MYCBP2: variants seen among roughly 807,000 people sequenced by gnomAD.
The protein encoded by MYCBP2 is MYC binding protein 2.
A neutral mutation model predicts 525.3 loss-of-function variants in MYCBP2; 120 were observed. That is an observed-to-expected ratio of 0.23 (90% CI 0.20 to 0.27). The LOEUF is 0.27. Ranked by LOEUF, MYCBP2 falls within the 10% of genes least tolerant of loss-of-function variation. The pLI, the probability that MYCBP2 is intolerant of heterozygous loss-of-function variation, is 1.00. For missense variants in MYCBP2, 4,149 were observed against 5,657.1 expected, an observed-to-expected ratio of 0.73 and a Z score of 8.55; for synonymous variants, 1,894 against 1,955.8, an observed-to-expected ratio of 0.97 and a Z score of 0.83.
chr13:77,316,450 GT>G (rs2080948939), intron 1 of MYCBP2, among the ~76,000 whole-genome samples: 1 of 152,224 alleles, frequency 6.6e-6, no homozygotes, highest in Non-Finnish European at 1.5e-5. Context: ...GCCAACCAAT[GT>G]TCCCAGCAGT....
intron 32 of MYCBP2, among the ~76,000 whole-genome samples, chr13:77,182,796 T>C (rs2060334313): frequency 6.6e-6 from 1 of 152,228 alleles, no homozygotes. Flanking sequence ...TCCAGTGCAC[T>C]GCTGAATATA....
At position 77,169,664 on chromosome 13, in the gene MYCBP2, G is replaced by A; in HGVS notation, c.5845C>T (p.Leu1949Phe). Residue 1949 changes from leucine (L) to phenylalanine (F), a missense_variant, in exon 39 of 83, where the codon CTC becomes TTC. Leu to Phe is a conservative substitution (Grantham distance 22, BLOSUM62 0). Around this residue, in one of 21 missense-constraint regions of MYCBP2, gnomAD observed 692 missense variants for 852.7 expected, o/e 0.81. Coordinates refer to ENST00000544440, the MANE Select transcript of MYCBP2 (RefSeq NM_015057.5). ...CCTATGTAGGCTATAATAAGGGGGAGCAGCATGGAAAACAGACTGGAAGAA... is the reference window on the plus strand; with the variant it reads ...CCTATGTAGGCTATAATAAGGGGGAACAGCATGGAAAACAGACTGGAAGAA... ...LSSSSLFSML[L>F]PLIIAYIGPV... The A allele has an allele frequency of 6.2e-7, 1 of 1,614,006 alleles. No individual in the cohort carries two copies. Among genetic ancestry groups the A allele is most frequent in the Admixed American group, 1.7e-5 (1 of 60,024 alleles).
chr13:77,248,399 A>T (rs1347227360), intron 15 of MYCBP2, among the ~76,000 whole-genome samples: 3 of 152,184 alleles, frequency 2.0e-5, no homozygotes, highest in Non-Finnish European at 4.4e-5. Flanking sequence ...TATATAGAGA[A>T]TTCCTAAAAC....
intron 40 of MYCBP2, among the ~76,000 whole-genome samples, chr13:77,167,156 C>T (rs2058643159): frequency 6.6e-6 from 1 of 152,030 alleles, no homozygotes; most frequent in Non-Finnish European, 1.5e-5. Flanking sequence ...ACAGTATAAA[C>T]TCATGAGGTA....
chr13:77,205,105 G>T, intron 26 of MYCBP2, 151 bp downstream of exon 26: 1 of 556,480 alleles, frequency 1.8e-6, no homozygotes, highest in Non-Finnish European at 2.7e-6. Flanking sequence ...TTTTAGCAAT[G>T]TTTTCTCTAT....
chr13:77,085,814 C>A (rs139859461), intron 62 of MYCBP2, among the ~76,000 whole-genome samples: 81 of 152,254 alleles, frequency 5.3e-4, no homozygotes, highest in African/African-American at 1.9e-3. Flanking sequence ...AGTCATTCCT[C>A]TCAGTGGAGC....
At chr13:77,076,203 C>T (rs1488700806) in intron 68 of MYCBP2, 2 of 152,138 alleles carry the variant, frequency 1.3e-5, no homozygotes, top group Non-Finnish European at 1.5e-5. Flanking sequence ...GTGTGTGATG[C>T]TACCATGATG....
intron 49 of MYCBP2, among the ~76,000 whole-genome samples, chr13:77,141,790 T>C (rs1030125877): frequency 1.4e-5 from 2 of 146,590 alleles, no homozygotes; most frequent in African/African-American, 5.1e-5. Context: ...AAAAAAAAAG[T>C]ATACATAGAG....
At chr13:77,056,274 C>A (rs2038031159) in intron 79 of MYCBP2, among the ~76,000 whole-genome samples, 1 of 151,952 alleles carries the variant, frequency 6.6e-6, no homozygotes, top group African/African-American at 2.4e-5. Context: ...TAGGGGAGAG[C>A]AAAATACTAC....
At chr13:77,191,864 C>T in intron 27 of MYCBP2, 51 bp from the exon 28 acceptor site, 2 of 1,561,340 alleles carry the variant, frequency 1.3e-6, no homozygotes, top group Non-Finnish European at 1.7e-6. Flanking sequence ...TTCTCTGTCA[C>T]ATATATTTAT....
At chr13:77,251,472 G>A (rs1028842795) in intron 14 of MYCBP2, 117 bp from the exon 15 acceptor site, 1 of 792,670 alleles carries the variant, frequency 1.3e-6, no homozygotes, top group African/African-American at 1.7e-5. Context: ...ATTATACAAA[G>A]AAATGCTTAA....
At chr13:77,321,471 A>C (rs2081607930) in intron 1 of MYCBP2, among the ~76,000 whole-genome samples, 1 of 152,248 alleles carries the variant, frequency 6.6e-6, no homozygotes, top group Non-Finnish European at 1.5e-5. Context: ...TACAATAAAT[A>C]ACGTCTCTTC....
At chr13:77,287,963 T>C (rs1215005928) in intron 3 of MYCBP2, among the ~76,000 whole-genome samples, 198 bp downstream of exon 3, 1 of 152,258 alleles carries the variant, frequency 6.6e-6, no homozygotes, top group Non-Finnish European at 1.5e-5. Flanking sequence ...TTATCAATTA[T>C]TGACTTTGTT....
intron 43 of MYCBP2, among the ~76,000 whole-genome samples, chr13:77,162,288 A>G (rs895786760): frequency 6.6e-6 from 1 of 152,206 alleles, no homozygotes; most frequent in Non-Finnish European, 1.5e-5. Context: ...ATTATTTCAG[A>G]TCTGGGCCTT....
Position 77,098,379 on chromosome 13 carries a change from C to T in MYCBP2, c.8775G>A (p.Gln2925=). The change falls in exon 56 of 83, where the codon CAG becomes CAA. Residue 2925 remains glutamine, a synonymous_variant. Transcript: ENST00000544440. ...ENRAPSPHVV[Q]ENLHSEVVEV... ...CGACCACCTCACTGTGGAGGTTTTC[C>T]TGTACCACATGGGGAGAGGGAGCTC... 6.2e-7 allele frequency: 1 copy of T among 1,613,342 alleles called. No homozygotes were observed. The highest frequency in any genetic ancestry group is 8.5e-7 in the Non-Finnish European group (1 of 1,179,808).
At chr13:77,169,049 T>C (rs1459963309) in intron 39 of MYCBP2, among the ~76,000 whole-genome samples, 1 of 152,224 alleles carries the variant, frequency 6.6e-6, no homozygotes, top group Non-Finnish European at 1.5e-5. Flanking sequence ...GTTAACATAA[T>C]CTTTCCTTAC....
rs1566786761 is a variant in MYCBP2, at chr13:77,168,589, T to C, written c.5953A>G (p.Asn1985Asp). The C allele has an allele frequency of 1.2e-6, 2 of 1,614,140 alleles. No individual in the cohort carries two copies. Among genetic ancestry groups the C allele is most frequent in the Non-Finnish European group, 1.7e-6 (2 of 1,180,024 alleles). ...AAGGCAGGCGGTGCATACTTCTGAT[T>C]CAAAATGGCAACTGACGGAAGCAAT... Reference protein sequence around the residue: ...QQLLPSVAILNQKYAPPAFNP... With the variant: ...QQLLPSVAILDQKYAPPAFNP... The change falls in exon 40 of 83, where the codon AAT becomes GAT. Residue 1985 changes from asparagine to aspartate, a missense_variant. By Grantham distance (23) the Asn-to-Asp change is conservative (BLOSUM62 1). This residue lies in a region of MYCBP2 where 692 missense variants were observed against 852.7 expected (regional missense o/e 0.81). Coordinates refer to ENST00000544440, the MANE Select transcript of MYCBP2 (RefSeq NM_015057.5).
In MYCBP2 at chr13:77,045,256, T is replaced by C. The variant is rs1469616140; in HGVS notation, c.*122A>G. 1.7e-6 allele frequency: 1 copy of C among 603,056 alleles called. No homozygotes were observed. Among genetic ancestry groups the C allele is most frequent in the Non-Finnish European group, 3.0e-6 (1 of 336,464 alleles). The allele number at this position is 603,056 out of a possible 1,614,324, so 37.4% of individuals were successfully genotyped here. On this transcript the variant is annotated 3_prime_UTR_variant, in exon 83 of 83. Coordinates refer to ENST00000544440, the MANE Select transcript of MYCBP2 (RefSeq NM_015057.5). ...TTTGGTATCCTTCTTGCACTGTGAA[T>C]GGTTCATTTTCATGGATGTAAAAAT...
In MYCBP2 at chr13:77,263,775, G is replaced by T; in HGVS notation, c.1446C>A (p.Val482=). Residue 482 remains valine (V), a synonymous_variant, in exon 10 of 83, where the codon GTC becomes GTA. Coordinates refer to ENST00000544440, the MANE Select transcript of MYCBP2 (RefSeq NM_015057.5). ...IAASRDDGFV[V]RIFATSTEPV... is the part of the protein sequence containing the mutation. The stretch of plus-strand genomic sequence containing the variant: ...GTTCAGTGCTTGTGGCAAATATTCT[G>T]ACAACAAAGCCATCCTAAGAAAAAT... 1 of 1,612,878 alleles carries T rather than the reference G, an allele frequency of 6.2e-7. No homozygotes were observed. Among genetic ancestry groups the T allele is most frequent in the South Asian group, 1.1e-5 (1 of 90,990 alleles).
Sources: gnomAD v4.1 joint callset for allele counts (sites outside exome capture counted in the v4.1 genomes callset) on GRCh38, gnomAD v4.1.1 for gene constraint, gnomAD v4.1.1 regional missense constraint, MANE v1.5 for transcripts, NCBI Gene and HGNC (gene_info 2026-07-23, HGNC 2026-07-21) for gene names.